IL1R1: variants seen among roughly 807,000 people sequenced by gnomAD.
The protein encoded by IL1R1 is interleukin 1 receptor type 1.
A neutral mutation model predicts 50.2 loss-of-function variants in IL1R1; 22 were observed. The ratio of observed to expected loss-of-function variants is 0.44; its 90% CI spans 0.31 to 0.63. IL1R1 has a LOEUF of 0.63. Ranked by LOEUF, IL1R1 falls within the 20% of genes least tolerant of loss-of-function variation. IL1R1 has a pLI of 0.07. For missense variants in IL1R1, 509 were observed against 676.2 expected (o/e 0.75, Z 2.74); for synonymous variants, 251 against 236.7 (o/e 1.06, Z -0.55).
At chr2:102,141,613 C>T (rs972704971), upstream of IL1R1, among the ~76,000 whole-genome samples, 2 of 152,228 alleles carry the variant, frequency 1.3e-5, no homozygotes, top group East Asian at 3.9e-4. Flanking sequence ...TGGATTTGTC[C>T]GGGGGCAGCT....
intron 3 of IL1R1, among the ~76,000 whole-genome samples, chr2:102,162,116 G>A (rs955735175): frequency 2.0e-5 from 3 of 152,102 alleles, no homozygotes; most frequent in African/African-American, 7.2e-5. Flanking sequence ...TTAAGGTATA[G>A]TTGACAAAAT....
chr2:102,109,331 G>A (rs1192015080), intron 1 of IL1R1, among the ~76,000 whole-genome samples: 2 of 152,138 alleles, frequency 1.3e-5, no homozygotes, highest in Non-Finnish European at 2.9e-5. Context: ...GGTTCTTTAA[G>A]TATAATATCT....
chr2:102,153,715 G>A (rs554887083), intron 1 of IL1R1, among the ~76,000 whole-genome samples: 11 of 152,262 alleles, frequency 7.2e-5, no homozygotes, highest in Non-Finnish European at 1.2e-4. Flanking sequence ...CATGTAAGAC[G>A]TGCCTACTTC....
upstream of IL1R1, among the ~76,000 whole-genome samples, chr2:102,138,153 G>A (rs1466242352): frequency 6.6e-6 from 1 of 152,166 alleles, no homozygotes; most frequent in African/African-American, 2.4e-5. Context: ...TCAGTTCCTG[G>A]TGCTTCAAAT....
At chr2:102,176,209 A>T (rs926467278) in intron 11 of IL1R1, 144 bp from the exon 12 acceptor site, 2 of 657,792 alleles carry the variant, frequency 3.0e-6, no homozygotes, top group Non-Finnish European at 5.1e-6. Context: ...AATTAAAAAC[A>T]TGGGAAACTC....
chr2:102,100,195 A>C (rs1309649583), upstream of IL1R1, among the ~76,000 whole-genome samples: 4 of 152,138 alleles, frequency 2.6e-5, no homozygotes, highest in Non-Finnish European at 5.9e-5. Flanking sequence ...TCTGCTTTCT[A>C]AACTTGTATT....
At chr2:102,172,880 A>G (rs780412762) in intron 9 of IL1R1, 42 bp downstream of exon 9, 3 of 1,432,742 alleles carry the variant, frequency 2.1e-6, no homozygotes, top group African/African-American at 2.8e-5. Flanking sequence ...GTTTTACTGT[A>G]GTAAGATTCC....
chr2:102,160,721 G>T (rs951175910), intron 3 of IL1R1, among the ~76,000 whole-genome samples: 2 of 152,150 alleles, frequency 1.3e-5, no homozygotes, highest in Non-Finnish European at 2.9e-5. Context: ...TGGTTCAAAT[G>T]GGCCAATCTG....
chr2:102,146,290 C>G (rs1340451195), intron 1 of IL1R1, among the ~76,000 whole-genome samples: 1 of 152,074 alleles, frequency 6.6e-6, no homozygotes, highest in African/African-American at 2.4e-5. Context: ...AAACCCAACA[C>G]CCCCCTTAAT....
chr2:102,077,574 C>T (rs1559449815), intron 1 of IL1R1, among the ~76,000 whole-genome samples: 1 of 152,128 alleles, frequency 6.6e-6, no homozygotes, highest in Non-Finnish European at 1.5e-5. Flanking sequence ...TTTTCATGTC[C>T]TTGCTTGTTA....
chr2:102,084,062 G>A (rs1297159862), intron 1 of IL1R1, among the ~76,000 whole-genome samples: 2 of 152,110 alleles, frequency 1.3e-5, no homozygotes, highest in Non-Finnish European at 1.5e-5. Context: ...AATCTCTTGC[G>A]ACTCTGAATC....
chr2:102,167,091 G>A (rs1388072619), intron 6 of IL1R1, among the ~76,000 whole-genome samples: 2 of 152,068 alleles, frequency 1.3e-5, no homozygotes, highest in Non-Finnish European at 2.9e-5. Context: ...TTTTTTGCAG[G>A]TTATAGGGGT....
chr2:102,129,296 A>ACAG (rs397823112), intron 1 of IL1R1, among the ~76,000 whole-genome samples: 1 of 149,022 alleles, frequency 6.7e-6, no homozygotes, highest in Non-Finnish European at 1.5e-5. Context: ...AACAACAACA[A>ACAG]AACCAAAACA....
At chr2:102,171,020 C>T (rs1352183418) in intron 7 of IL1R1, among the ~76,000 whole-genome samples, 1 of 152,196 alleles carries the variant, frequency 6.6e-6, no homozygotes, top group Non-Finnish European at 1.5e-5. Context: ...GAGATTGTGC[C>T]ACTGCACTTC....
chr2:102,176,890 G>A lies in IL1R1; in HGVS notation c.*131G>A. 1.2e-6 allele frequency: 1 copy of A among 865,496 alleles called. No homozygotes were observed. The highest frequency in any genetic ancestry group is 1.8e-6 in the Non-Finnish European group (1 of 552,588). The allele number at this position is 865,496 out of a possible 1,614,324, so 53.6% of individuals were successfully genotyped here. On this transcript the variant is annotated 3_prime_UTR_variant, in exon 12 of 12. Coordinates refer to ENST00000410023, the MANE Select transcript of IL1R1 (RefSeq NM_000877.4). ...CATCCTTTATCCCTGAGGTCACCTGGAATCAGATTATTAAGGGAATAAGCC... is the reference window on the plus strand; with the variant it reads ...CATCCTTTATCCCTGAGGTCACCTGAAATCAGATTATTAAGGGAATAAGCC...
intron 1 of IL1R1, among the ~76,000 whole-genome samples, chr2:102,110,903 C>A (rs922763637): frequency 6.6e-6 from 1 of 151,898 alleles, no homozygotes; most frequent in Non-Finnish European, 1.5e-5. Flanking sequence ...GCAGAGACAG[C>A]GAGTAGGGAG....
At chr2:102,086,138 G>A (rs1475668917) in intron 1 of IL1R1, among the ~76,000 whole-genome samples, 1 of 152,130 alleles carries the variant, frequency 6.6e-6, no homozygotes, top group Non-Finnish European at 1.5e-5. Context: ...GTACATGCTT[G>A]TGAATATTCC....
chr2:102,075,343 T>A (rs1233047330), intron 1 of IL1R1, among the ~76,000 whole-genome samples: 1 of 152,234 alleles, frequency 6.6e-6, no homozygotes, highest in Non-Finnish European at 1.5e-5. Flanking sequence ...TGGCTCTGTG[T>A]AGACATAGTG....
chr2:102,170,711 G>A (rs530870953), intron 7 of IL1R1, among the ~76,000 whole-genome samples: 50 of 152,064 alleles, frequency 3.3e-4, no homozygotes, highest in Admixed American at 2.2e-3. Flanking sequence ...TATAAGAGAG[G>A]AAAAAACTAA....
Sources: gnomAD v4.1 joint callset for allele counts (sites outside exome capture counted in the v4.1 genomes callset) on GRCh38, gnomAD v4.1.1 for gene constraint, MANE v1.5 for transcripts, NCBI Gene and HGNC (gene_info 2026-07-23, HGNC 2026-07-21) for gene names.